ERC2: variants seen among roughly 807,000 people sequenced by gnomAD.
ERC2 encodes the protein ELKS/RAB6-interacting/CAST family member 2.
ERC2 carries 42 observed loss-of-function variants against 114.8 expected under a neutral mutation model. The ratio of observed to expected loss-of-function variants is 0.37; its 90% CI spans 0.29 to 0.47. The LOEUF (loss-of-function observed/expected upper bound fraction) is 0.47, where lower values mean the gene tolerates loss of function less well. ERC2 is among the 20% of genes least tolerant of loss of function. The probability of loss-of-function intolerance (pLI) is 0.99; values close to 1 mark genes in which losing one functional copy is unlikely to be tolerated. For synonymous variants in ERC2, 454 were observed against 425.5 expected, an observed-to-expected ratio of 1.07 and a Z score of -0.82; for missense variants, 939 against 1,150.7, an observed-to-expected ratio of 0.82 and a Z score of 2.66.
chr3:56,053,018 C>G (rs542453052), intron 7 of ERC2, among the ~76,000 whole-genome samples: 1 of 152,172 alleles, frequency 6.6e-6, no homozygotes, highest in Non-Finnish European at 1.5e-5. Context: ...AAGCTGAACA[C>G]ATGGCAAGCT....
chr3:55,625,284 T>C (rs147393798), intron 17 of ERC2, among the ~76,000 whole-genome samples: 1,538 of 149,904 alleles, frequency 0.01, 28 homozygotes, highest in African/African-American at 0.035. Flanking sequence ...AGAGAATCGC[T>C]TGAATCTGAG....
intron 1 of ERC2, among the ~76,000 whole-genome samples, chr3:56,442,845 G>T (rs1490073858): frequency 6.6e-6 from 1 of 152,200 alleles, no homozygotes; most frequent in Non-Finnish European, 1.5e-5. Context: ...GAATGAGGGG[G>T]ATAAGGCAGT....
At chr3:55,780,361 A>T (rs1266729664) in intron 14 of ERC2, among the ~76,000 whole-genome samples, 1 of 152,202 alleles carries the variant, frequency 6.6e-6, no homozygotes, top group African/African-American at 2.4e-5. Flanking sequence ...TAATGCAGGA[A>T]TGTGTCAGGT....
intron 3 of ERC2, among the ~76,000 whole-genome samples, chr3:56,218,091 C>T (rs1376949878): frequency 2.0e-5 from 3 of 152,196 alleles, no homozygotes; most frequent in Non-Finnish European, 4.4e-5. Context: ...AAGGACTTCA[C>T]ATCTAAAACA....
intron 17 of ERC2, among the ~76,000 whole-genome samples, chr3:55,560,966 C>A (rs1407553208): frequency 6.6e-6 from 1 of 152,100 alleles, no homozygotes; most frequent in African/African-American, 2.4e-5. Context: ...CCTCTTCTCC[C>A]AACAAGACTC....
chr3:56,348,124 T>G (rs993444227), intron 2 of ERC2, among the ~76,000 whole-genome samples: 4 of 152,174 alleles, frequency 2.6e-5, no homozygotes, highest in Non-Finnish European at 5.9e-5. Context: ...TCCCCCTAAA[T>G]TCCTTCTACC....
intron 15 of ERC2, 37 bp downstream of exon 15, chr3:55,734,734 A>G (rs1451124769): frequency 5.1e-6 from 8 of 1,581,068 alleles, no homozygotes; most frequent in Non-Finnish European, 6.0e-6. Flanking sequence ...AAAGCCCCAA[A>G]CCCAGAAAAA....
chr3:55,598,572 T>C (rs1396499577), intron 17 of ERC2, among the ~76,000 whole-genome samples: 1 of 152,262 alleles, frequency 6.6e-6, no homozygotes, highest in Non-Finnish European at 1.5e-5. Context: ...TGCACTGCTT[T>C]GCAAGCTTTG....
intron 3 of ERC2, among the ~76,000 whole-genome samples, chr3:56,215,228 G>C (rs182749189): frequency 6.6e-6 from 1 of 152,092 alleles, no homozygotes; most frequent in Non-Finnish European, 1.5e-5. Flanking sequence ...ACCCATCAGC[G>C]TGCTGTATTC....
At chr3:55,707,361 C>T (rs928802313) in intron 15 of ERC2, among the ~76,000 whole-genome samples, 2 of 152,176 alleles carry the variant, frequency 1.3e-5, no homozygotes, top group Admixed American at 1.3e-4. Flanking sequence ...ATCACCTGAG[C>T]ACAGAAGGTT....
intron 17 of ERC2, among the ~76,000 whole-genome samples, chr3:55,592,749 C>A (rs967815992): frequency 6.6e-6 from 1 of 152,146 alleles, no homozygotes; most frequent in Non-Finnish European, 1.5e-5. Context: ...GTGTAGACAC[C>A]TACGTAGTTA....
chr3:55,733,301 C>A (rs571658052), intron 15 of ERC2, among the ~76,000 whole-genome samples: 20 of 152,192 alleles, frequency 1.3e-4, no homozygotes, highest in Admixed American at 5.9e-4. Context: ...CTGAGGCCAG[C>A]GTTAGCAAGG....
intron 1 of ERC2, among the ~76,000 whole-genome samples, chr3:56,441,142 A>G (rs886355151): frequency 2.6e-5 from 4 of 152,208 alleles, no homozygotes; most frequent in Non-Finnish European, 4.4e-5. Context: ...AAGAAGTCCA[A>G]GCTATCTTGC....
intron 6 of ERC2, among the ~76,000 whole-genome samples, chr3:56,091,833 A>G (rs919154225): frequency 2.0e-5 from 3 of 152,124 alleles, no homozygotes; most frequent in Admixed American, 6.5e-5. Context: ...GTTAATGTCA[A>G]TGATGTATTT....
chr3:55,788,327 G>C (rs1361154381), intron 14 of ERC2, among the ~76,000 whole-genome samples: 1 of 152,162 alleles, frequency 6.6e-6, no homozygotes, highest in Non-Finnish European at 1.5e-5. Context: ...CACAGCAGGA[G>C]CCACTCTGCA....
intron 14 of ERC2, among the ~76,000 whole-genome samples, chr3:55,755,823 A>T (rs1242192927): frequency 6.6e-6 from 1 of 152,158 alleles, no homozygotes; most frequent in Non-Finnish European, 1.5e-5. Flanking sequence ...CGTACATCGA[A>T]CGTTCGCTTA....
At chr3:56,085,810 A>T (rs1281809755) in intron 6 of ERC2, among the ~76,000 whole-genome samples, 2 of 152,188 alleles carry the variant, frequency 1.3e-5, no homozygotes, top group African/African-American at 4.8e-5. Flanking sequence ...TCAATTGTAG[A>T]TATTTGCACA....
intron 17 of ERC2, among the ~76,000 whole-genome samples, chr3:55,563,970 T>C (rs892060847): frequency 1.3e-5 from 2 of 152,238 alleles, no homozygotes; most frequent in African/African-American, 4.8e-5. Context: ...TGCAGCGTGA[T>C]CAAGACCATA....
At chr3:56,032,307 G>T (rs1291951382) in intron 7 of ERC2, among the ~76,000 whole-genome samples, 3 of 152,120 alleles carry the variant, frequency 2.0e-5, no homozygotes, top group Non-Finnish European at 2.9e-5. Context: ...GATTTAATCA[G>T]GCAAAAGAAA....
Sources: allele counts gnomAD v4.1 joint callset (sites outside exome capture counted in the v4.1 genomes callset), GRCh38; gene constraint gnomAD v4.1.1; transcripts MANE v1.5; gene names NCBI Gene and HGNC (gene_info 2026-07-23, HGNC 2026-07-21).